HNMT: variants seen among roughly 807,000 people sequenced by gnomAD.
HNMT encodes the protein histamine N-methyltransferase.
A neutral mutation model predicts 32.1 loss-of-function variants in HNMT; 30 were observed. The observed-to-expected ratio is 0.93, with a 90% CI of 0.70 to 1.27. The LOEUF is 1.27. HNMT is among the 50% of genes most tolerant of loss of function. The probability of loss-of-function intolerance (pLI) is 0.00; values close to 1 mark genes in which losing one functional copy is unlikely to be tolerated. For missense variants in HNMT, 327 were observed against 346.0 expected (o/e 0.95, Z 0.43); for synonymous variants, 125 against 119.0 (o/e 1.05, Z -0.33).
At chr2:137,996,051 C>T (rs1307003039) in intron 2 of HNMT, among the ~76,000 whole-genome samples, 1 of 152,092 alleles carries the variant, frequency 6.6e-6, no homozygotes. Context: ...GACAAACTTA[C>T]CCAACCAATA....
Position 137,967,153 on chromosome 2 carries a change from G to A in HNMT, c.137+2525G>A, listed in dbSNP as rs778797308. The A allele has an allele frequency of 5.2e-6, 4 of 776,204 alleles. No individual in the cohort carries two copies. In the South Asian group the frequency reaches 5.4e-5, roughly 10 times the overall value. 48.1% of individuals were successfully genotyped at this position (776,204 alleles called of 1,614,324 possible). A position where few individuals can be genotyped will look rare whatever the true frequency, so the allele number is the denominator to read the frequency against. On this transcript the variant is annotated intron_variant, in intron 1 of 5. Transcript: ENST00000280097. ...TGGCCAGATGTGTTGGTTCACGCCTGTAATCCTAGCACTTCGGGAGGCTGA... is the reference window on the plus strand; with the variant it reads ...TGGCCAGATGTGTTGGTTCACGCCTATAATCCTAGCACTTCGGGAGGCTGA...
In HNMT at chr2:138,014,049, AC is replaced by A. The variant is rs1254503853; in HGVS notation, c.799del (p.Gln267LysfsTer19). On this transcript the variant is annotated frameshift_variant, in exon 6 of 6. Coordinates refer to ENST00000280097, the MANE Select transcript of HNMT (RefSeq NM_006895.3). LOFTEE classifies it high-confidence loss of function. ...DLRAELGKDLQEPEFSAKKEG... is the reference protein window; with the variant it reads ...DLRAELGKDLXEPEFSAKKEG... ...TCAGAGCAGAGCTTGGGAAAGATCT[AC>A]AAGAGCCTGAATTTAGTGCTAAGAA... 15 of 1,613,540 alleles carry A rather than the reference AC, an allele frequency of 9.3e-6. No individual in the cohort carries two copies. The Admixed American group carries it at 2.5e-4, about 27-fold the overall frequency.
chr2:137,970,016 C>A, intron 1 of HNMT, 149 bp from the exon 2 acceptor site: 1 of 507,418 alleles, frequency 2.0e-6, no homozygotes, highest in South Asian at 3.8e-5. Flanking sequence ...CTAAAGATGG[C>A]AATATAACTG....
At position 137,997,093 on chromosome 2, in the gene HNMT, C is replaced by A. The variant is rs376345392; in HGVS notation, c.191-3825C>A. On this transcript the variant is annotated intron_variant, in intron 2 of 5. Coordinates refer to ENST00000280097, the MANE Select transcript of HNMT (RefSeq NM_006895.3). The stretch of plus-strand genomic sequence containing the variant: ...CCCTAGAAGACAACCTAGGCAATAC[C>A]ATTCAGGACATAGGCATGGGCAAAG... Among the ~76,000 whole-genome samples, 6 of 152,182 alleles carry A rather than the reference C, an allele frequency of 3.9e-5. No individual in the cohort carries two copies. In the East Asian group the frequency reaches 1.2e-3, roughly 29 times the overall value.
At chr2:137,978,258 AT>A (rs529568380) in intron 2 of HNMT, among the ~76,000 whole-genome samples, 1 of 149,918 alleles carries the variant, frequency 6.7e-6, no homozygotes, top group South Asian at 2.1e-4. Flanking sequence ...AATTTTAAGT[AT>A]ATTTATATAC....
At chr2:137,977,151 T>C (rs73961905) in intron 2 of HNMT, among the ~76,000 whole-genome samples, 2,502 of 152,302 alleles carry the variant, frequency 0.016, 75 homozygotes, top group African/African-American at 0.058. Context: ...AAAAGCAGTA[T>C]GTTAGGTTCT....
intron 2 of HNMT, among the ~76,000 whole-genome samples, chr2:137,986,310 T>G (rs1414864583): frequency 6.6e-6 from 1 of 151,904 alleles, no homozygotes; most frequent in Non-Finnish European, 1.5e-5. Flanking sequence ...TTAGCTTATA[T>G]GATTATGAAG....
chr2:137,992,646 G>A (rs1680857924), intron 2 of HNMT, among the ~76,000 whole-genome samples: 1 of 152,196 alleles, frequency 6.6e-6, no homozygotes, highest in African/African-American at 2.4e-5. Flanking sequence ...TAGTTCTGAG[G>A]AATCCAGGCA....
Position 138,001,022 on chromosome 2 carries a change from A to G in HNMT, c.295A>G (p.Lys99Glu). 6.3e-7 allele frequency: 1 copy of G among 1,579,022 alleles called. No homozygotes were observed. Among genetic ancestry groups the G allele is most frequent in the Non-Finnish European group, 8.7e-7 (1 of 1,151,780 alleles). ...EPSAEQIAKY[K>E]ELVAKTSNLE... ...AAGTGCTGAACAAATTGCCAAATAC[A>G]AAGGTACCTGTAACTCCTGGTCCTC... Residue 99 changes from lysine (K) to glutamate (E), a missense_variant, in exon 3 of 6, where the codon AAA (lysine) becomes GAA (glutamate). By Grantham distance (56) the Lys-to-Glu change is moderately conservative. Coordinates refer to ENST00000280097, the MANE Select transcript of HNMT (RefSeq NM_006895.3).
rs1473315663 is a variant in HNMT at position 138,016,326 on chromosome 2, C to A, written c.*2196C>A. ...TTATTATAAACAGAGCTCAAGAAAC[C>A]CAATAAAGTTATGTGTTGCCAGTGT... On this transcript the variant is annotated 3_prime_UTR_variant, in exon 6 of 6. Transcript: ENST00000280097. The A allele has an allele frequency of 6.6e-6, 1 of 152,056 alleles. No homozygotes were observed. Among genetic ancestry groups the A allele is most frequent in the Non-Finnish European group, 1.5e-5 (1 of 67,998 alleles). 9.4% of individuals were successfully genotyped at this position (152,056 alleles called of 1,614,324 possible). A position where few individuals can be genotyped will look rare whatever the true frequency, so the allele number is the denominator to read the frequency against.
intron 2 of HNMT, among the ~76,000 whole-genome samples, chr2:137,983,864 A>G (rs935518147): frequency 1.3e-5 from 2 of 152,220 alleles, no homozygotes; most frequent in Non-Finnish European, 1.5e-5. Context: ...GCAGAAGAGT[A>G]GGAGGATAGG....
chr2:137,972,075 A>G (rs1680154750), intron 2 of HNMT, among the ~76,000 whole-genome samples: 1 of 151,992 alleles, frequency 6.6e-6, no homozygotes, highest in South Asian at 2.1e-4. Context: ...GAGCTCTCTA[A>G]TGAAATGAGA....
In HNMT at chr2:137,964,600, G is replaced by A. The variant is rs1397352208; in HGVS notation, c.109G>A (p.Asp37Asn). The change falls in exon 1 of 6, where the codon GAC becomes AAC. Residue 37 changes from aspartate to asparagine, a missense_variant. Physicochemically the swap from Asp to Asn is conservative, Grantham distance 23. Transcript: ENST00000280097. ...TEHQCMQEFM[D>N]KKLPGIIGRI... ...ACACCAGTGCATGCAGGAATTCATG[G>A]ACAAGAAGCTGCCAGGCATAATAGG... 2.5e-6 allele frequency: 4 copies of A among 1,613,834 alleles called. No individual in the cohort carries two copies. Among genetic ancestry groups the A allele is most frequent in the Non-Finnish European group, 3.4e-6 (4 of 1,179,812 alleles).
intron 2 of HNMT, among the ~76,000 whole-genome samples, chr2:137,995,675 C>G (rs893416418): frequency 6.6e-6 from 1 of 152,062 alleles, no homozygotes; most frequent in Non-Finnish European, 1.5e-5. Context: ...ATGAAGCCAG[C>G]ATCTTCCTGA....
chr2:137,969,742 A>G (rs1680066058), intron 1 of HNMT, among the ~76,000 whole-genome samples: 2 of 152,180 alleles, frequency 1.3e-5, no homozygotes, highest in South Asian at 4.1e-4. Context: ...TTTAATAAAC[A>G]CTTGTTCATT....
At chr2:137,994,090 C>T (rs180727392) in intron 2 of HNMT, among the ~76,000 whole-genome samples, 1 of 152,282 alleles carries the variant, frequency 6.6e-6, no homozygotes, top group East Asian at 1.9e-4. Context: ...AGACCAATGA[C>T]ACTATGAAGA....
intron 2 of HNMT, among the ~76,000 whole-genome samples, chr2:137,997,689 A>C (rs56062142): frequency 0.044 from 6,765 of 152,334 alleles, 223 homozygotes; most frequent in Non-Finnish European, 0.074. Context: ...ACCCAAAGGA[A>C]TATAAATCAT....
At chr2:137,989,702 C>T (rs1374581047) in intron 2 of HNMT, among the ~76,000 whole-genome samples, 1 of 152,346 alleles carries the variant, frequency 6.6e-6, no homozygotes, top group Non-Finnish European at 1.5e-5. Flanking sequence ...CCCAAAGTTA[C>T]CTTTCCCACC....
intron 2 of HNMT, among the ~76,000 whole-genome samples, chr2:137,998,708 G>C (rs1681070350): frequency 6.6e-6 from 1 of 152,108 alleles, no homozygotes; most frequent in African/African-American, 2.4e-5. Context: ...GTCCCAGACT[G>C]TGCTAGATAT....
Sources: gnomAD v4.1 joint callset for allele counts (sites outside exome capture counted in the v4.1 genomes callset) on GRCh38, gnomAD v4.1.1 for gene constraint, MANE v1.5 for transcripts, NCBI Gene and HGNC (gene_info 2026-07-23, HGNC 2026-07-21) for gene names.